Variants in FANK1 observed in about 807,000 individuals in gnomAD.
FANK1 encodes fibronectin type III and ankyrin repeat domains 1, also known as fibronectin type 3 and ankyrin repeat domains protein 1.
Under a neutral mutation model 45.3 loss-of-function variants are expected in FANK1, and 44 were observed. The observed-to-expected ratio is 0.97, with a 90% confidence interval of 0.76 to 1.25. The LOEUF is 1.25. Ranked by LOEUF, FANK1 falls within the 50% of genes most tolerant of loss-of-function variation. The probability of loss-of-function intolerance (pLI) is 0.00; values close to 1 mark genes in which losing one functional copy is unlikely to be tolerated. For missense variants in FANK1, 391 were observed against 424.4 expected, an observed-to-expected ratio of 0.92 and a Z score of 0.69; for synonymous variants, 149 against 152.5, an observed-to-expected ratio of 0.98 and a Z score of 0.17.
intron 1 of FANK1, among the ~76,000 whole-genome samples, chr10:125,977,198 TG>T (rs1209066455): frequency 1.3e-5 from 2 of 152,180 alleles, no homozygotes; most frequent in Admixed American, 6.5e-5. Context: ...TCAGAGTTCT[TG>T]CTGGTTCTTT....
chr10:125,982,270 G>A (rs1026179165), intron 2 of FANK1, among the ~76,000 whole-genome samples: 1 of 152,226 alleles, frequency 6.6e-6, no homozygotes, highest in Non-Finnish European at 1.5e-5. Context: ...GGCCAGGTAG[G>A]CAGCCTCAGC....
chr10:125,903,505 C>A (rs946621509), intron 1 of FANK1, among the ~76,000 whole-genome samples: 1 of 152,272 alleles, frequency 6.6e-6, no homozygotes, highest in South Asian at 2.1e-4. Flanking sequence ...GTGCTCTCAT[C>A]CCCACACCCC....
chr10:125,983,381 T>TG lies in FANK1; in HGVS notation c.191+3047dup, dbSNP rs1003007906. ...GTGTGTCAGACACTGCTCCGGATGCTGGGGATACGGCACTGGGAAAAAATT... is the reference window on the plus strand; with the variant it reads ...GTGTGTCAGACACTGCTCCGGATGCTGGGGGATACGGCACTGGGAAAAAATT... On this transcript the variant is annotated intron_variant, in intron 2 of 10. Transcript: ENST00000368693. The surrounding 1 kb of genome is among the most constrained non-coding windows in gnomAD (Gnocchi z 4.3). Among the ~76,000 whole-genome samples, 38 of 152,134 alleles carry TG rather than the reference T, an allele frequency of 2.5e-4. No homozygotes were observed. Among genetic ancestry groups the TG allele is most frequent in the Non-Finnish European group, 4.7e-4 (32 of 68,030 alleles).
At chr10:125,944,619 G>T (rs748311996) in intron 1 of FANK1, among the ~76,000 whole-genome samples, 1 of 152,196 alleles carries the variant, frequency 6.6e-6, no homozygotes, top group Admixed American at 6.5e-5. Context: ...TGGGTTTACA[G>T]GAATGAGGGC....
chr10:125,982,998 C>G (rs552585588), intron 2 of FANK1, among the ~76,000 whole-genome samples: 11 of 151,552 alleles, frequency 7.3e-5, no homozygotes, highest in African/African-American at 2.7e-4. Flanking sequence ...TTTGGTGGGT[C>G]CTCCATTGCT....
chr10:125,986,621 C>T (rs1180350544), intron 2 of FANK1, among the ~76,000 whole-genome samples: 1 of 152,164 alleles, frequency 6.6e-6, no homozygotes, highest in African/African-American at 2.4e-5. Flanking sequence ...TTCAACCCTA[C>T]TGGGAAGTCC....
At chr10:125,969,979 A>G (rs1277901495) in intron 1 of FANK1, among the ~76,000 whole-genome samples, 1 of 152,212 alleles carries the variant, frequency 6.6e-6, no homozygotes, top group African/African-American at 2.4e-5. Context: ...AAGGCAGAAG[A>G]ATTTTTCTTA....
intron 1 of FANK1, among the ~76,000 whole-genome samples, chr10:125,952,672 C>G (rs1949319206): frequency 6.6e-6 from 1 of 151,864 alleles, no homozygotes; most frequent in Admixed American, 6.6e-5. Flanking sequence ...GTGGCCCACC[C>G]TCCTGGTTTG....
At chr10:125,937,727 A>G (rs1948192574) in intron 1 of FANK1, among the ~76,000 whole-genome samples, 1 of 152,206 alleles carries the variant, frequency 6.6e-6, no homozygotes, top group South Asian at 2.1e-4. Context: ...GTGCATATGT[A>G]TATTTATAGT....
intron 1 of FANK1, among the ~76,000 whole-genome samples, chr10:125,906,861 A>G (rs1945566995): frequency 6.6e-6 from 1 of 152,162 alleles, no homozygotes; most frequent in Non-Finnish European, 1.5e-5. Flanking sequence ...ATCTTCAATT[A>G]TTTTAGTTAT....
chr10:125,903,699 A>G (rs1171489191), intron 1 of FANK1, among the ~76,000 whole-genome samples: 10 of 148,934 alleles, frequency 6.7e-5, no homozygotes, highest in South Asian at 2.1e-4. Flanking sequence ...TTTAATTTAA[A>G]TAAACATATT....
At position 125,907,701 on chromosome 10, in the gene FANK1, C is replaced by T. The variant is rs188053114; in HGVS notation, c.13+11046C>T. ...GAGATAGACATATTGCTAGCATGCA[C>T]GCAAGATTCTCCTTGCTGATTTGAG... On this transcript the variant is annotated intron_variant, in intron 1 of 10. Coordinates refer to ENST00000368693, the MANE Select transcript of FANK1 (RefSeq NM_145235.5). Among the ~76,000 whole-genome samples the T allele has an allele frequency of 9.6e-4, 146 of 152,130 alleles. 1 individual carries two copies. Among genetic ancestry groups the T allele is most frequent in the Non-Finnish European group, 6.9e-4 (47 of 68,012 alleles).
intron 1 of FANK1, among the ~76,000 whole-genome samples, chr10:125,963,556 T>A (rs2134182093): frequency 6.6e-6 from 1 of 152,314 alleles, no homozygotes; most frequent in East Asian, 1.9e-4. Context: ...TGGAATACTA[T>A]GCAGCCATAA....
At chr10:125,909,328 A>C (rs1945799172) in intron 1 of FANK1, among the ~76,000 whole-genome samples, 1 of 152,190 alleles carries the variant, frequency 6.6e-6, no homozygotes, top group Non-Finnish European at 1.5e-5. Flanking sequence ...TGGCTGCCAC[A>C]GAGATTAGCA....
intron 1 of FANK1, among the ~76,000 whole-genome samples, chr10:125,955,346 A>G (rs1949511600): frequency 6.6e-6 from 1 of 152,206 alleles, no homozygotes; most frequent in African/African-American, 2.4e-5. Context: ...AAGTAAGAAC[A>G]TGTAGTGTTT....
chr10:125,953,067 A>G (rs954721258), intron 1 of FANK1, among the ~76,000 whole-genome samples: 13 of 152,156 alleles, frequency 8.5e-5, no homozygotes, highest in Admixed American at 3.3e-4. Flanking sequence ...ATGACCTGAA[A>G]GTCTGTTAAC....
intron 1 of FANK1, among the ~76,000 whole-genome samples, chr10:125,956,992 G>A (rs114138286): frequency 0.012 from 1,801 of 152,156 alleles, 24 homozygotes; most frequent in African/African-American, 0.041. Flanking sequence ...ATAGCTAGCC[G>A]GGACTACAGG....
intron 1 of FANK1, chr10:125,960,344 G>A (rs770841447): frequency 8.1e-5 from 18 of 220,876 alleles, no homozygotes; most frequent in Non-Finnish European, 1.5e-4. Context: ...TCTCCACGCC[G>A]ACCTGCAGCT....
At chr10:125,994,953 G>A (rs974444889) in intron 3 of FANK1, 1 of 984,804 alleles carries the variant, frequency 1.0e-6, no homozygotes, top group Admixed American at 6.2e-5. Context: ...AGAAGACAAG[G>A]CCAATATGTA....
Sources: allele counts gnomAD v4.1 joint callset (sites outside exome capture counted in the v4.1 genomes callset), GRCh38; gene constraint gnomAD v4.1.1; non-coding constraint Gnocchi (gnomAD v3.1); transcripts MANE v1.5; gene names NCBI Gene and HGNC (gene_info 2026-07-23, HGNC 2026-07-21).